Variants in GABRB1 observed in about 807,000 individuals in gnomAD.
GABRB1 encodes gamma-aminobutyric acid type A receptor subunit beta1.
GABRB1 carries 17 observed loss-of-function variants against 51.6 expected under a neutral mutation model. The ratio of observed to expected loss-of-function variants is 0.33; its 90% CI spans 0.23 to 0.49. The LOEUF (loss-of-function observed/expected upper bound fraction) is 0.49, where lower values mean the gene tolerates loss of function less well. Among genes scored for constraint, GABRB1 ranks in the 20% least tolerant of loss-of-function variants. The pLI, the probability that GABRB1 is intolerant of heterozygous loss-of-function variation, is 0.99. For missense variants in GABRB1, 410 were observed against 600.6 expected (o/e 0.68, Z 3.32); for synonymous variants, 247 against 218.9 (o/e 1.13, Z -1.14).
intron 4 of GABRB1, among the ~76,000 whole-genome samples, chr4:47,217,210 G>A (rs926437522): frequency 6.6e-6 from 1 of 151,844 alleles, no homozygotes; most frequent in African/African-American, 2.4e-5. Flanking sequence ...TGGAAGAATA[G>A]CAATGTGATC....
At chr4:47,223,668 G>A (rs562911935) in intron 4 of GABRB1, among the ~76,000 whole-genome samples, 3 of 152,138 alleles carry the variant, frequency 2.0e-5, no homozygotes, top group Admixed American at 6.6e-5. Flanking sequence ...TGGAAATCAG[G>A]GCTGTTTATG....
chr4:47,316,179 C>G (rs1724881429), intron 4 of GABRB1, among the ~76,000 whole-genome samples: 1 of 151,780 alleles, frequency 6.6e-6, no homozygotes, highest in South Asian at 2.1e-4. Context: ...ACCATCTTTA[C>G]TACATTTAAA....
intron 3 of GABRB1, among the ~76,000 whole-genome samples, chr4:47,106,754 T>C (rs1387378266): frequency 1.3e-5 from 2 of 152,118 alleles, no homozygotes; most frequent in Non-Finnish European, 2.9e-5. Flanking sequence ...CCGAGGTTGC[T>C]TAATGTTTAG....
At chr4:47,046,463 T>A (rs990692518) in intron 3 of GABRB1, among the ~76,000 whole-genome samples, 4 of 152,126 alleles carry the variant, frequency 2.6e-5, no homozygotes, top group Admixed American at 6.6e-5. Flanking sequence ...TTACTTTATT[T>A]TTTAAGAAAC....
chr4:47,228,735 G>T (rs1227496314), intron 4 of GABRB1, among the ~76,000 whole-genome samples: 4 of 152,092 alleles, frequency 2.6e-5, no homozygotes, highest in African/African-American at 9.7e-5. Context: ...AGCTAATTCT[G>T]CAGGATGATC....
At chr4:47,011,434 T>G (rs1577823001) in intron 1 of GABRB1, among the ~76,000 whole-genome samples, 2 of 152,184 alleles carry the variant, frequency 1.3e-5, no homozygotes, top group Admixed American at 1.3e-4. Context: ...TGGGTACTGC[T>G]TGCTTGGGGC....
intron 5 of GABRB1, among the ~76,000 whole-genome samples, chr4:47,401,769 A>C (rs1728393458): frequency 1.3e-5 from 2 of 152,148 alleles, no homozygotes; most frequent in African/African-American, 4.8e-5. Context: ...CATGAATGGG[A>C]TCCATGATCT....
In GABRB1 at chr4:47,073,760, C is replaced by CA. The variant is rs1158016006; in HGVS notation, c.240+41276_240+41277insA. Among the ~76,000 whole-genome samples the CA allele has an allele frequency of 3.9e-5, 6 of 152,294 alleles. No homozygotes were observed. In the East Asian group the frequency reaches 1.2e-3, roughly 29 times the overall value. On this transcript the variant is annotated intron_variant, in intron 3 of 8. Coordinates refer to ENST00000295454, the MANE Select transcript of GABRB1 (RefSeq NM_000812.4). ...AATCTCTTCTGGCACTCATGCACCA[C>CA]CTAGAGTGCCTTTGTAGTGACCTGG...
At chr4:47,276,951 G>A (rs1336984577) in intron 4 of GABRB1, among the ~76,000 whole-genome samples, 1 of 152,038 alleles carries the variant, frequency 6.6e-6, no homozygotes, top group Non-Finnish European at 1.5e-5. Context: ...TGCCTCTAAA[G>A]CCAGGGCTCC....
In GABRB1 at chr4:47,295,864, T is replaced by C. The variant is rs182622004; in HGVS notation, c.462-24263T>C. On this transcript the variant is annotated intron_variant, in intron 4 of 8. Coordinates refer to ENST00000295454, the MANE Select transcript of GABRB1 (RefSeq NM_000812.4). ...TGTTAAGGGTAGCCAGAGAGAAAGG[T>C]CGGGTTAACCACAATGGGAAGCCCA... Among the ~76,000 whole-genome samples the C allele has an allele frequency of 1.5e-3, 229 of 152,210 alleles. 1 individual carries two copies. Among genetic ancestry groups the C allele is most frequent in the Admixed American group, 4.6e-3 (71 of 15,284 alleles).
At chr4:47,114,803 TAAGTC>T (rs1715394439) in intron 3 of GABRB1, among the ~76,000 whole-genome samples, 2 of 152,262 alleles carry the variant, frequency 1.3e-5, no homozygotes, top group East Asian at 1.9e-4. Context: ...CAGAAATTCT[TAAGTC>T]AAGAGCACAG....
intron 4 of GABRB1, among the ~76,000 whole-genome samples, chr4:47,266,114 G>C (rs772464330): frequency 6.6e-6 from 1 of 151,862 alleles, no homozygotes; most frequent in Non-Finnish European, 1.5e-5. Flanking sequence ...AATTATTTTT[G>C]TATATACTGA....
intron 4 of GABRB1, among the ~76,000 whole-genome samples, chr4:47,313,746 A>G (rs899352178): frequency 1.2e-4 from 19 of 152,106 alleles, no homozygotes; most frequent in Admixed American, 1.0e-3. Flanking sequence ...AGATTTCTAT[A>G]GCCTAACATA....
intron 5 of GABRB1, among the ~76,000 whole-genome samples, chr4:47,346,968 A>G (rs1227813158): frequency 6.6e-6 from 1 of 152,204 alleles, no homozygotes; most frequent in Non-Finnish European, 1.5e-5. Context: ...CTCAACCTCC[A>G]GCTGAAATTC....
intron 1 of GABRB1, chr4:46,994,318 G>C (rs952528112): frequency 6.6e-6 from 1 of 152,120 alleles, no homozygotes; most frequent in Non-Finnish European, 1.5e-5. Flanking sequence ...GGGAGAGGTG[G>C]AGACAAGCGA....
Position 47,034,264 on chromosome 4 carries a change from GT to G in GABRB1, c.240+1788del, listed in dbSNP as rs541502017. On this transcript the variant is annotated intron_variant, in intron 3 of 8. Transcript: ENST00000295454. ...GGCTATATTGACATACCCCTTTTCA[GT>G]TTTTTTTAAAACTCAATTAAATAGG... Among the ~76,000 whole-genome samples, 267 of 151,814 alleles carry G rather than the reference GT, an allele frequency of 1.8e-3. 4 individuals carry two copies. The South Asian group carries it at 0.032, about 18-fold the overall frequency.
intron 5 of GABRB1, among the ~76,000 whole-genome samples, chr4:47,344,754 G>A (rs1039057914): frequency 1.3e-5 from 2 of 151,828 alleles, no homozygotes; most frequent in East Asian, 1.9e-4. Flanking sequence ...ACAGAGTCTT[G>A]CTCTATCCCC....
intron 4 of GABRB1, among the ~76,000 whole-genome samples, chr4:47,305,273 A>G (rs957773212): frequency 2.6e-5 from 4 of 152,134 alleles, no homozygotes; most frequent in South Asian, 2.1e-4. Flanking sequence ...AAATTGTCCA[A>G]CTGACAATGA....
intron 4 of GABRB1, among the ~76,000 whole-genome samples, chr4:47,217,487 G>A (rs981821286): frequency 6.6e-5 from 10 of 151,618 alleles, no homozygotes; most frequent in African/African-American, 1.2e-4. Context: ...ACCCATGAAC[G>A]TATCTACCTG....
Sources: allele counts gnomAD v4.1 joint callset (sites outside exome capture counted in the v4.1 genomes callset), GRCh38; gene constraint gnomAD v4.1.1; transcripts MANE v1.5; gene names NCBI Gene and HGNC (gene_info 2026-07-23, HGNC 2026-07-21).